The following SFMBT2 variants were observed in gnomAD, a reference collection of about 807,000 sequenced individuals.
The protein encoded by SFMBT2 is scm-like with four MBT domains protein 2.
A neutral mutation model predicts 110.1 loss-of-function variants in SFMBT2; 38 were observed. The ratio of observed to expected loss-of-function variants is 0.35; its 90% CI spans 0.27 to 0.45. The LOEUF (loss-of-function observed/expected upper bound fraction) is 0.45, where lower values mean the gene tolerates loss of function less well. SFMBT2 is among the 20% of genes least tolerant of loss of function. The pLI is 1.00. For missense variants in SFMBT2, 1,011 were observed against 1,094.9 expected (o/e 0.92, Z 1.08); for synonymous variants, 425 against 425.4 (o/e 1.00, Z 0.01).
At chr10:7,315,038 G>GAGAA (rs545155500) in intron 4 of SFMBT2, among the ~76,000 whole-genome samples, 11,725 of 81,854 alleles carry the variant, frequency 0.14, 1,603 homozygotes, top group Middle Eastern at 0.18. Flanking sequence ...AAGAAAGAAA[G>GAGAA]AGAAAGAAAG....
chr10:7,360,119 G>A (rs1205717733), intron 4 of SFMBT2, among the ~76,000 whole-genome samples: 1 of 152,328 alleles, frequency 6.6e-6, no homozygotes, highest in East Asian at 1.9e-4. Flanking sequence ...GGAGAGCTAT[G>A]ACACAAACAG....
chr10:7,198,041 C>T (rs1466742417), intron 14 of SFMBT2: 16 of 985,312 alleles, frequency 1.6e-5, no homozygotes, highest in Non-Finnish European at 1.9e-5. Flanking sequence ...ATGCATTTTT[C>T]CAGATTGTAT....
chr10:7,173,650 G>A (rs1588764712), intron 17 of SFMBT2, among the ~76,000 whole-genome samples: 1 of 152,272 alleles, frequency 6.6e-6, no homozygotes, highest in Middle Eastern at 3.4e-3. Context: ...TGTATCATCA[G>A]CTAATGAAAA....
chr10:7,249,024 G>A (rs1211837818), intron 7 of SFMBT2: 27 of 770,970 alleles, frequency 3.5e-5, no homozygotes, highest in Non-Finnish European at 4.1e-5. Context: ...TGCTACTGGA[G>A]TCACATCTCA....
Position 7,171,971 on chromosome 10 carries a change from C to T in SFMBT2, c.2339G>A (p.Arg780Lys), listed in dbSNP as rs376234404. Residue 780 changes from arginine to lysine, a missense_variant, in exon 19 of 21, where the codon AGG becomes AAG. Arg to Lys is a conservative substitution (Grantham distance 26, BLOSUM62 2). This residue lies in a region of SFMBT2 where 979 missense variants were observed against 1,016.1 expected (regional missense o/e 0.96). Coordinates refer to ENST00000397167, the MANE Select transcript of SFMBT2 (RefSeq NM_001387889.1). The surrounding 1 kb of genome is among the most constrained non-coding windows in gnomAD (Gnocchi z 4.9). ...GGAGGCAGCCGGCGCCCCGCGGCCC[C>T]TTCGTGTCCTCTCTGGGGGTGGCCG... ...VRRPPPERTR[R>K]GRGAPAASSA... The T allele has an allele frequency of 6.6e-7, 1 of 1,522,144 alleles. No individual in the cohort carries two copies. The highest frequency in any genetic ancestry group is 1.4e-5 in the African/African-American group (1 of 71,766). 94.3% of individuals were successfully genotyped at this position (1,522,144 alleles called of 1,614,324 possible). A position where few individuals can be genotyped will look rare whatever the true frequency, so the allele number is the denominator to read the frequency against.
intron 4 of SFMBT2, among the ~76,000 whole-genome samples, chr10:7,314,976 G>C (rs1260526782): frequency 2.1e-5 from 3 of 144,698 alleles, no homozygotes; most frequent in African/African-American, 5.3e-5. Flanking sequence ...GAGAGAGAGA[G>C]GGAGAAAGAG....
intron 4 of SFMBT2, among the ~76,000 whole-genome samples, chr10:7,307,939 G>A (rs1842742335): frequency 6.6e-6 from 1 of 152,194 alleles, no homozygotes; most frequent in Non-Finnish European, 1.5e-5. Flanking sequence ...CCTGAAAAGT[G>A]TCCCATTTTG....
chr10:7,272,703 G>A (rs182364106), intron 7 of SFMBT2, among the ~76,000 whole-genome samples: 2 of 152,282 alleles, frequency 1.3e-5, no homozygotes, highest in Admixed American at 6.5e-5. Flanking sequence ...AGCTCTCCCT[G>A]GAAAACCAGC....
chr10:7,320,513 G>T, intron 4 of SFMBT2: 1 of 765,644 alleles, frequency 1.3e-6, no homozygotes, highest in Non-Finnish European at 1.6e-6. Context: ...AGAATCACTG[G>T]AGTATTTTCT....
intron 11 of SFMBT2, 48 bp downstream of exon 11, chr10:7,220,363 C>T: frequency 7.0e-6 from 11 of 1,579,298 alleles, no homozygotes; most frequent in Non-Finnish European, 9.5e-6. Flanking sequence ...GCCATTTCGA[C>T]AAACTCTACA....
At chr10:7,399,109 C>T (rs1234884914) in intron 1 of SFMBT2, among the ~76,000 whole-genome samples, 1 of 152,238 alleles carries the variant, frequency 6.6e-6, no homozygotes, top group Non-Finnish European at 1.5e-5. Context: ...AGAGTCCCAA[C>T]ACTGTGAAGA....
upstream of SFMBT2, among the ~76,000 whole-genome samples, chr10:7,411,065 C>CTTTTTTTTT (rs766788794): frequency 6.3e-4 from 34 of 53,908 alleles, 2 homozygotes; most frequent in African/African-American, 3.0e-3. Context: ...GCTCGGCGCT[C>CTTTTTTTTT]TTTTTTTTTT....
intron 2 of SFMBT2, among the ~76,000 whole-genome samples, chr10:7,375,785 A>T (rs572835895): frequency 6.6e-6 from 1 of 151,412 alleles, no homozygotes; most frequent in African/African-American, 2.4e-5. Flanking sequence ...ACACACACAC[A>T]CACACACACA....
At chr10:7,286,173 C>T (rs1350837059) in intron 4 of SFMBT2, among the ~76,000 whole-genome samples, 2 of 152,166 alleles carry the variant, frequency 1.3e-5, no homozygotes, top group South Asian at 2.1e-4. Flanking sequence ...CATGCTTGGG[C>T]ACCAAGGAGA....
chr10:7,217,968 T>A (rs1839597916), intron 11 of SFMBT2, among the ~76,000 whole-genome samples: 1 of 152,164 alleles, frequency 6.6e-6, no homozygotes, highest in Non-Finnish European at 1.5e-5. Context: ...TATTCATTGC[T>A]CCCTCTTCAA....
In SFMBT2 at chr10:7,176,511, T is replaced by C. The variant is rs1256572655; in HGVS notation, c.1809-346A>G. 3.0e-6 allele frequency: 3 copies of C among 985,230 alleles called. No individual in the cohort carries two copies. In the African/African-American group the frequency reaches 5.2e-5, roughly 17 times the overall value. 61.0% of individuals were successfully genotyped at this position (985,230 alleles called of 1,614,324 possible). A position where few individuals can be genotyped will look rare whatever the true frequency, so the allele number is the denominator to read the frequency against. ...TCGAAATGAGGTTAGTGAAATCGAA[T>C]GGGTATTTTCCTGTTGCTATCATAT... On this transcript the variant is annotated intron_variant, in intron 16 of 20. Coordinates refer to ENST00000397167, the MANE Select transcript of SFMBT2 (RefSeq NM_001387889.1).
intron 16 of SFMBT2, among the ~76,000 whole-genome samples, chr10:7,176,980 C>T (rs1380432598): frequency 6.6e-6 from 1 of 152,140 alleles, no homozygotes; most frequent in African/African-American, 2.4e-5. Flanking sequence ...GCTTGCCATA[C>T]TCTGCCCATG....
At chr10:7,178,934 G>A (rs1049553887) in intron 16 of SFMBT2, among the ~76,000 whole-genome samples, 4 of 152,022 alleles carry the variant, frequency 2.6e-5, no homozygotes, top group Non-Finnish European at 5.9e-5. Context: ...TTTTTATTTC[G>A]TTCACATATC....
chr10:7,375,385 C>T (rs570042301), intron 2 of SFMBT2, among the ~76,000 whole-genome samples: 1 of 152,004 alleles, frequency 6.6e-6, no homozygotes, highest in African/African-American at 2.4e-5. Flanking sequence ...AGCCTGTGCC[C>T]ACTACACCAA....
Sources: gnomAD v4.1 joint callset for allele counts (sites outside exome capture counted in the v4.1 genomes callset) on GRCh38, gnomAD v4.1.1 for gene constraint, gnomAD v4.1.1 regional missense constraint, Gnocchi (gnomAD v3.1) non-coding constraint, MANE v1.5 for transcripts, NCBI Gene and HGNC (gene_info 2026-07-23, HGNC 2026-07-21) for gene names.